The following PRKD1 variants were observed in gnomAD, a reference collection of about 807,000 sequenced individuals.
The protein encoded by PRKD1 is protein kinase D1, also known as serine/threonine-protein kinase D1.
In PRKD1, 63 loss-of-function variants were observed where a neutral mutation model predicts 95.9. The observed-to-expected ratio is 0.66, with a 90% CI of 0.54 to 0.81. The LOEUF (loss-of-function observed/expected upper bound fraction) is 0.81. Ranked by LOEUF, PRKD1 falls within the 30% of genes least tolerant of loss-of-function variation. PRKD1 has a pLI of 0.00. For missense variants in PRKD1, 1,048 were observed against 1,165.3 expected, an observed-to-expected ratio of 0.90 and a Z score of 1.47; for synonymous variants, 425 against 423.1, an observed-to-expected ratio of 1.00 and a Z score of -0.05.
At chr14:29,598,308 A>G (rs1449222180) in intron 15 of PRKD1, among the ~76,000 whole-genome samples, 3 of 138,804 alleles carry the variant, frequency 2.2e-5, no homozygotes, top group South Asian at 2.1e-4. Flanking sequence ...AAAATAAAAT[A>G]AAATAAAATA....
intron 1 of PRKD1, among the ~76,000 whole-genome samples, chr14:29,922,125 C>T (rs1358977957): frequency 6.6e-6 from 1 of 151,740 alleles, no homozygotes; most frequent in Admixed American, 6.6e-5. Flanking sequence ...CACGGTGAAA[C>T]CCCATCTCTA....
intron 1 of PRKD1, among the ~76,000 whole-genome samples, chr14:29,869,591 T>A (rs7155170): frequency 0.29 from 44,470 of 152,068 alleles, 6,622 homozygotes; most frequent in East Asian, 0.35. Context: ...AAGCTGTTAG[T>A]TATAAAGAAT....
At chr14:29,605,458 C>T (rs1893671393) in intron 13 of PRKD1, among the ~76,000 whole-genome samples, 1 of 152,178 alleles carries the variant, frequency 6.6e-6, no homozygotes, top group South Asian at 2.1e-4. Flanking sequence ...TGTTTTCATA[C>T]ATACTACCCT....
intron 2 of PRKD1, among the ~76,000 whole-genome samples, chr14:29,694,021 A>C (rs1355043468): frequency 6.6e-6 from 1 of 152,148 alleles, no homozygotes. Flanking sequence ...AATATGCATC[A>C]ACCTTCATAG....
rs148393168 is a variant in PRKD1 at position 29,876,028 on chromosome 14, C to T, written c.264+51221G>A. 6.6e-5 allele frequency among the ~76,000 whole-genome samples: 10 copies of T among 152,316 alleles called. No homozygotes were observed. In the East Asian group the frequency reaches 1.9e-3, roughly 29 times the overall value. On this transcript the variant is annotated intron_variant, in intron 1 of 17. Coordinates refer to ENST00000331968, the MANE Select transcript of PRKD1 (RefSeq NM_002742.3). Reference sequence around the variant, plus strand: ...GCAAGGTGAAGAGAACCAAGAGATACATACCATGACTTGTTACAGGAGAAG... The same window carrying T: ...GCAAGGTGAAGAGAACCAAGAGATATATACCATGACTTGTTACAGGAGAAG...
intron 2 of PRKD1, among the ~76,000 whole-genome samples, chr14:29,723,678 T>C (rs1886010652): frequency 6.6e-6 from 1 of 151,488 alleles, no homozygotes; most frequent in South Asian, 2.1e-4. Flanking sequence ...TGCGTGTGTG[T>C]GTGTGTGTGT....
At position 29,599,682 on chromosome 14, in the gene PRKD1, G is replaced by A; in HGVS notation, c.2041C>T (p.His681Tyr). The A allele has an allele frequency of 1.2e-6, 2 of 1,612,476 alleles. No individual in the cohort carries two copies. The highest frequency in any genetic ancestry group is 1.7e-6 in the Non-Finnish European group (2 of 1,179,472). Residue 681 changes from histidine to tyrosine, a missense_variant, in exon 14 of 18, where the codon CAC (histidine) becomes TAC (tyrosine). Physicochemically the swap from His to Tyr is moderately conservative, Grantham distance 83. This residue lies in a region of PRKD1 where 739 missense variants were observed against 861.9 expected (regional missense o/e 0.86). Transcript: ENST00000331968. ...TGAGTAATTAAAAACTTCGTTATGT[G>A]CTCTGGCAACCTGCCCTTTTCACTT... ...LSSEKGRLPEHITKFLITQIL... is the reference protein window; with the variant it reads ...LSSEKGRLPEYITKFLITQIL...
chr14:29,905,321 T>G (rs1011288658), intron 1 of PRKD1, among the ~76,000 whole-genome samples: 2 of 152,192 alleles, frequency 1.3e-5, no homozygotes, highest in African/African-American at 4.8e-5. Flanking sequence ...CAGTAGGGAC[T>G]CTAGTCTTCC....
chr14:29,774,347 A>C (rs1415281951), intron 1 of PRKD1, among the ~76,000 whole-genome samples: 1 of 152,150 alleles, frequency 6.6e-6, no homozygotes, highest in Non-Finnish European at 1.5e-5. Flanking sequence ...AAACGTGTAC[A>C]TCAGCTGACT....
At chr14:29,673,325 C>T (rs1277876992) in intron 2 of PRKD1, among the ~76,000 whole-genome samples, 1 of 152,156 alleles carries the variant, frequency 6.6e-6, no homozygotes. Flanking sequence ...AGGATACTCT[C>T]CTCAACATAC....
Position 29,927,548 on chromosome 14 carries a change from G to A in PRKD1, c.-36C>T. The A allele has an allele frequency of 8.8e-7, 1 of 1,134,840 alleles. No individual in the cohort carries two copies. Among genetic ancestry groups the A allele is most frequent in the African/African-American group, 1.6e-5 (1 of 61,022 alleles). The allele number at this position is 1,134,840 out of a possible 1,614,324, so 70.3% of individuals were successfully genotyped here. ...GGCGCAGGGCCGGGCAGCGGAGGGC[G>A]GGGGCTGGCGGCGCGGCAGCAGGAA... On this transcript the variant is annotated 5_prime_UTR_variant, in exon 1 of 18. Coordinates refer to ENST00000331968, the MANE Select transcript of PRKD1 (RefSeq NM_002742.3).
intron 16 of PRKD1, among the ~76,000 whole-genome samples, chr14:29,590,874 G>A (rs943409590): frequency 2.2e-4 from 34 of 152,100 alleles, no homozygotes; most frequent in Admixed American, 2.2e-3. Flanking sequence ...TGCCTCCTGG[G>A]TTCAAGCAAT....
chr14:29,733,184 G>T (rs1292213249), intron 1 of PRKD1, among the ~76,000 whole-genome samples: 1 of 150,524 alleles, frequency 6.6e-6, no homozygotes, highest in Non-Finnish European at 1.5e-5. Flanking sequence ...CTCACTGCAA[G>T]CTCCGCCTCC....
intron 15 of PRKD1, among the ~76,000 whole-genome samples, chr14:29,598,413 G>A (rs1893393756): frequency 6.6e-6 from 1 of 152,090 alleles, no homozygotes; most frequent in Admixed American, 6.6e-5. Flanking sequence ...GGGTAATATT[G>A]TATACAAGGC....
intron 2 of PRKD1, among the ~76,000 whole-genome samples, chr14:29,712,219 T>A (rs1885365262): frequency 6.6e-6 from 1 of 152,072 alleles, no homozygotes; most frequent in African/African-American, 2.4e-5. Context: ...ACCACAAGAT[T>A]AGTATGTGGG....
At chr14:29,738,330 T>C (rs180875940) in intron 1 of PRKD1, among the ~76,000 whole-genome samples, 1 of 152,156 alleles carries the variant, frequency 6.6e-6, no homozygotes, top group Admixed American at 6.5e-5. Flanking sequence ...CCTTTCTCCC[T>C]CCCTCCTTCA....
At chr14:29,803,433 G>A (rs1352216488) in intron 1 of PRKD1, among the ~76,000 whole-genome samples, 2 of 152,050 alleles carry the variant, frequency 1.3e-5, no homozygotes, top group African/African-American at 4.8e-5. Flanking sequence ...TAATTTTTTT[G>A]TCTAGTTAAT....
Position 29,599,101 on chromosome 14 carries a change from G to C in PRKD1, c.2092C>G (p.His698Asp). The part of the protein sequence containing the change: ...TQILVALRHL[H>D]FKNIVHCDLK... ...TCACAGTGAACGATATTTTTAAAAT[G>C]AAGGTGCCGCAAAGCCACGAGTATC... Residue 698 changes from histidine (H) to aspartate (D), a missense_variant, in exon 15 of 18, where the codon CAT becomes GAT. His to Asp is a moderately conservative substitution (Grantham distance 81). Transcript: ENST00000331968. 1 of 1,613,642 alleles carries C rather than the reference G, an allele frequency of 6.2e-7. No individual in the cohort carries two copies. Among genetic ancestry groups the C allele is most frequent in the Non-Finnish European group, 8.5e-7 (1 of 1,179,700 alleles).
At position 29,610,510 on chromosome 14, in the gene PRKD1, C is replaced by T. The variant is rs534676523; in HGVS notation, c.1906-10693G>A. Among the ~76,000 whole-genome samples the T allele has an allele frequency of 6.7e-4, 102 of 152,236 alleles. 2 individuals carry two copies. The South Asian group carries it at 0.019, about 28-fold the overall frequency. On this transcript the variant is annotated intron_variant, in intron 13 of 17. Transcript: ENST00000331968. The stretch of plus-strand genomic sequence containing the variant: ...TTAGAATTGCCAAAATCTGGAACTC[C>T]GACAAGGCCAAATGCTGGCAAGGAT...
Sources: allele counts gnomAD v4.1 joint callset (sites outside exome capture counted in the v4.1 genomes callset), GRCh38; gene constraint gnomAD v4.1.1; regional missense constraint gnomAD v4.1.1; transcripts MANE v1.5; gene names NCBI Gene and HGNC (gene_info 2026-07-23, HGNC 2026-07-21).